TTC28: variants seen among roughly 807,000 people sequenced by gnomAD.
TTC28 encodes tetratricopeptide repeat protein 28.
A neutral mutation model predicts 198.0 loss-of-function variants in TTC28; 61 were observed. That is an observed-to-expected ratio of 0.31 (90% CI 0.25 to 0.38). The LOEUF is 0.38. TTC28 is among the 10% of genes least tolerant of loss of function. The pLI is 1.00. For synonymous variants in TTC28, 1,171 were observed against 1,297.8 expected, an observed-to-expected ratio of 0.90 and a Z score of 2.10; for missense variants, 2,678 against 3,164.0, an observed-to-expected ratio of 0.85 and a Z score of 3.69.
At chr22:28,130,569 A>C (rs1943038535) in intron 6 of TTC28, among the ~76,000 whole-genome samples, 1 of 152,228 alleles carries the variant, frequency 6.6e-6, no homozygotes, top group Admixed American at 6.5e-5. Context: ...GTCTTCAAGA[A>C]ATTGGGCATG....
chr22:28,652,695 T>C (rs1206146952), intron 1 of TTC28, among the ~76,000 whole-genome samples: 1 of 152,214 alleles, frequency 6.6e-6, no homozygotes, highest in Admixed American at 6.5e-5. Flanking sequence ...TGTTCCAGGC[T>C]GAAACAACAA....
At chr22:28,370,635 GA>G (rs1265472861) in intron 2 of TTC28, among the ~76,000 whole-genome samples, 6 of 151,916 alleles carry the variant, frequency 3.9e-5, no homozygotes, top group Non-Finnish European at 8.8e-5. Flanking sequence ...AGACTTCCCT[GA>G]AAAAAATTAA....
intron 13 of TTC28, among the ~76,000 whole-genome samples, chr22:28,020,438 T>G (rs373917677): frequency 2.0e-5 from 3 of 151,950 alleles, no homozygotes; most frequent in Admixed American, 6.5e-5. Context: ...CAGAGAGAGG[T>G]GAGGCCACAG....
intron 5 of TTC28, among the ~76,000 whole-genome samples, chr22:28,179,977 C>CGGTTTTAAAA (rs1923545557): frequency 6.6e-6 from 1 of 152,110 alleles, no homozygotes; most frequent in South Asian, 2.1e-4. Context: ...GTTCTAAAAT[C>CGGTTTTAAAA]AGAGATTTAG....
intron 2 of TTC28, among the ~76,000 whole-genome samples, chr22:28,445,268 T>C (rs553590067): frequency 2.0e-5 from 3 of 152,212 alleles, no homozygotes; most frequent in African/African-American, 7.2e-5. Flanking sequence ...TAAGACTAAG[T>C]CCTTATGCTG....
In TTC28 at chr22:28,354,176, C is replaced by T. The variant is rs1364132300; in HGVS notation, c.382-47533G>A. Among the ~76,000 whole-genome samples the T allele has an allele frequency of 2.0e-5, 3 of 152,250 alleles. No homozygotes were observed. The East Asian group carries it at 5.8e-4, about 29-fold the overall frequency. On this transcript the variant is annotated intron_variant, in intron 2 of 22. Transcript: ENST00000397906. ...ACCATATAATCTAGCAATTCCAATT[C>T]TAGGTATATAGCCCTCAAAATTGAA...
intron 1 of TTC28, chr22:28,643,169 C>A (rs1393857726): frequency 6.6e-6 from 1 of 152,180 alleles, no homozygotes; most frequent in Non-Finnish European, 1.5e-5. Context: ...AATGTGGACA[C>A]CATCATAGCG....
At chr22:28,312,403 T>C (rs886501466) in intron 2 of TTC28, among the ~76,000 whole-genome samples, 6 of 152,174 alleles carry the variant, frequency 3.9e-5, no homozygotes, top group Non-Finnish European at 7.3e-5. Flanking sequence ...ATCAACAGAA[T>C]ATACATTCTT....
At position 28,579,033 on chromosome 22, in the gene TTC28, T is replaced by C. The variant is rs1186037623; in HGVS notation, c.381+50519A>G. Among the ~76,000 whole-genome samples, 3 of 151,902 alleles carry C rather than the reference T, an allele frequency of 2.0e-5. No homozygotes were observed. In the East Asian group the frequency reaches 5.8e-4, roughly 29 times the overall value. ...CAAGTACATATATGTATATATACTA[T>C]ATAGCTATATATGTAGTTATATGTT... On this transcript the variant is annotated intron_variant, in intron 2 of 22. Coordinates refer to ENST00000397906, the MANE Select transcript of TTC28 (RefSeq NM_001145418.2).
At chr22:28,053,266 C>CAGA in intron 12 of TTC28, among the ~76,000 whole-genome samples, 1 of 152,220 alleles carries the variant, frequency 6.6e-6, no homozygotes, top group African/African-American at 2.4e-5. Context: ...CACTGCTGGG[C>CAGA]ATCTGCACAG....
At chr22:28,014,844 C>A (rs926978017) in intron 13 of TTC28, among the ~76,000 whole-genome samples, 1 of 152,214 alleles carries the variant, frequency 6.6e-6, no homozygotes, top group Admixed American at 6.5e-5. Flanking sequence ...GGGCTCAGAG[C>A]AACTGCTGAG....
intron 2 of TTC28, among the ~76,000 whole-genome samples, chr22:28,322,214 T>C (rs1028394653): frequency 3.3e-5 from 5 of 152,196 alleles, no homozygotes; most frequent in Admixed American, 6.5e-5. Flanking sequence ...TTTGTATTTC[T>C]GTTTTCTGGC....
At chr22:28,076,316 C>T (rs1338592148) in intron 12 of TTC28, among the ~76,000 whole-genome samples, 1 of 152,174 alleles carries the variant, frequency 6.6e-6, no homozygotes, top group South Asian at 2.1e-4. Flanking sequence ...GTCACCAGTG[C>T]ATGGGGACTG....
chr22:28,378,648 A>G (rs372364495), intron 2 of TTC28, among the ~76,000 whole-genome samples: 3 of 152,156 alleles, frequency 2.0e-5, no homozygotes, highest in African/African-American at 7.2e-5. Context: ...CTGTGTCAAA[A>G]AAACAACAAC....
intron 12 of TTC28, among the ~76,000 whole-genome samples, chr22:28,034,650 G>C (rs940364562): frequency 1.1e-4 from 16 of 152,200 alleles, no homozygotes; most frequent in Non-Finnish European, 2.2e-4. Context: ...AGAAGGCTGA[G>C]GTCTGGATTA....
intron 2 of TTC28, among the ~76,000 whole-genome samples, chr22:28,621,182 T>A (rs1601631456): frequency 6.6e-6 from 1 of 152,174 alleles, no homozygotes; most frequent in East Asian, 1.9e-4. Context: ...TAATTCCAAT[T>A]TTCCACAAAC....
At chr22:28,324,884 G>A (rs2045502926) in intron 2 of TTC28, among the ~76,000 whole-genome samples, 1 of 152,152 alleles carries the variant, frequency 6.6e-6, no homozygotes, top group African/African-American at 2.4e-5. Context: ...TGGAAGTTCT[G>A]GCCAGGGCAA....
intron 2 of TTC28, among the ~76,000 whole-genome samples, chr22:28,601,673 T>C (rs2146120407): frequency 6.6e-6 from 1 of 152,090 alleles, no homozygotes; most frequent in East Asian, 1.9e-4. Flanking sequence ...TACTGAGAGA[T>C]GACTATACTA....
chr22:28,591,036 CACACATAT>C (rs1313857161), intron 2 of TTC28, among the ~76,000 whole-genome samples: 352 of 29,010 alleles, frequency 0.012, 2 homozygotes, highest in African/African-American at 0.019. Context: ...CACACACACA[CACACATAT>C]ATATATATAT....
Sources: gnomAD v4.1 joint callset for allele counts (sites outside exome capture counted in the v4.1 genomes callset) on GRCh38, gnomAD v4.1.1 for gene constraint, MANE v1.5 for transcripts, NCBI Gene and HGNC (gene_info 2026-07-23, HGNC 2026-07-21) for gene names.